EPB41: variants seen among roughly 807,000 people sequenced by gnomAD.
The protein encoded by EPB41 is erythrocyte membrane protein band 4.1, also known as protein 4.1.
A neutral mutation model predicts 108.0 loss-of-function variants in EPB41; 65 were observed. The observed-to-expected ratio is 0.60, with a 90% CI of 0.49 to 0.74. The LOEUF is 0.74. Ranked by LOEUF, EPB41 falls within the 30% of genes least tolerant of loss-of-function variation. The pLI is 0.00. For missense variants in EPB41, 875 were observed against 1,037.0 expected (o/e 0.84, Z 2.15); for synonymous variants, 336 against 358.9 (o/e 0.94, Z 0.72).
intron 10 of EPB41, among the ~76,000 whole-genome samples, chr1:29,037,094 T>C (rs937859151): frequency 6.6e-6 from 1 of 152,050 alleles, no homozygotes; most frequent in African/African-American, 2.4e-5. Context: ...AAGTATTTCC[T>C]CTGCTGTTTG....
intron 4 of EPB41, 131 bp downstream of exon 4, chr1:28,997,450 T>C: frequency 1.5e-6 from 1 of 677,762 alleles, no homozygotes; most frequent in Non-Finnish European, 2.7e-6. Flanking sequence ...TCTTATTTCT[T>C]AGATTTTCCT....
At chr1:28,973,013 G>C (rs2095528326) in intron 1 of EPB41, among the ~76,000 whole-genome samples, 1 of 152,180 alleles carries the variant, frequency 6.6e-6, no homozygotes, top group Non-Finnish European at 1.5e-5. Context: ...CCACATTGGT[G>C]ATTATCCTAT....
chr1:28,993,744 A>G (rs1308481984), intron 3 of EPB41, among the ~76,000 whole-genome samples: 1 of 146,924 alleles, frequency 6.8e-6, no homozygotes, highest in Admixed American at 7.0e-5. Flanking sequence ...GTAGCCCCCA[A>G]CTCCCATGTT....
At chr1:29,055,588 C>G (rs1645212441) in intron 12 of EPB41, among the ~76,000 whole-genome samples, 1 of 151,566 alleles carries the variant, frequency 6.6e-6, no homozygotes, top group Non-Finnish European at 1.5e-5. Context: ...CCTCTGATAA[C>G]TTATTATTGT....
intron 7 of EPB41, among the ~76,000 whole-genome samples, chr1:29,027,463 C>CT (rs1268736466): frequency 1.3e-5 from 2 of 151,760 alleles, no homozygotes; most frequent in African/African-American, 4.8e-5. Context: ...TCCCAAGTAG[C>CT]TGGGATTACA....
At position 29,097,648 on chromosome 1, in the gene EPB41, TG is replaced by T. The variant is rs1406529711; in HGVS notation, c.2185-157del. 3 of 780,068 alleles carry T rather than the reference TG, an allele frequency of 3.8e-6. No homozygotes were observed. The African/African-American group carries it at 5.1e-5, about 13-fold the overall frequency. The allele number at this position is 780,068 out of a possible 1,614,324, so 48.3% of individuals were successfully genotyped here. A position where few individuals can be genotyped will look rare whatever the true frequency, so the allele number is the denominator to read the frequency against. On this transcript the variant is annotated intron_variant, in intron 16 of 20. Transcript: ENST00000343067. ...ATTTGACACCTTGTCAGGGTTACTT[TG>T]GAATACTGTCGAAGTCTTAGGCAGG...
chr1:29,020,417 T>A (rs1219169501), intron 7 of EPB41, among the ~76,000 whole-genome samples: 1 of 152,110 alleles, frequency 6.6e-6, no homozygotes, highest in African/African-American at 2.4e-5. Context: ...TAAAAATATA[T>A]GCATATATAC....
chr1:29,029,533 A>T (rs2096762541), intron 7 of EPB41, among the ~76,000 whole-genome samples: 1 of 152,026 alleles, frequency 6.6e-6, no homozygotes, highest in Non-Finnish European at 1.5e-5. Context: ...TTCCTTGGGG[A>T]TGTGCCTGCA....
At chr1:29,046,913 G>T (rs545601154) in intron 11 of EPB41, among the ~76,000 whole-genome samples, 49 of 151,962 alleles carry the variant, frequency 3.2e-4, no homozygotes, top group African/African-American at 9.4e-4. Flanking sequence ...ATTGTTTTAG[G>T]ATTTCTACAA....
chr1:28,917,087 G>A (rs1482944140), intron 1 of EPB41, among the ~76,000 whole-genome samples: 1 of 151,800 alleles, frequency 6.6e-6, no homozygotes, highest in African/African-American at 2.4e-5. Context: ...CACCTCACCC[G>A]GCCTCTCCCA....
intron 16 of EPB41, chr1:29,097,466 A>C: frequency 2.8e-6 from 1 of 358,650 alleles, no homozygotes; most frequent in Non-Finnish European, 5.3e-6. Flanking sequence ...ACAAGGACAA[A>C]TCAAAGTGAT....
chr1:29,045,971 G>A (rs974663790), intron 11 of EPB41, among the ~76,000 whole-genome samples: 3 of 151,664 alleles, frequency 2.0e-5, no homozygotes, highest in Non-Finnish European at 2.9e-5. Flanking sequence ...GTGAGACCCT[G>A]TCTCTAAAAT....
At chr1:28,955,306 C>T (rs988700387) in intron 1 of EPB41, among the ~76,000 whole-genome samples, 4 of 151,534 alleles carry the variant, frequency 2.6e-5, no homozygotes, top group Non-Finnish European at 5.9e-5. Context: ...CAAGTAAGTT[C>T]TTGGTTTTTC....
chr1:29,038,205 C>T (rs372371080), intron 10 of EPB41, among the ~76,000 whole-genome samples: 3 of 152,196 alleles, frequency 2.0e-5, no homozygotes, highest in Admixed American at 1.3e-4. Flanking sequence ...GTACATTTTA[C>T]ACCCAATTAA....
chr1:29,001,409 C>G (rs148351872), intron 4 of EPB41, among the ~76,000 whole-genome samples: 2 of 152,068 alleles, frequency 1.3e-5, no homozygotes, highest in African/African-American at 4.8e-5. Flanking sequence ...TACAGCTGTC[C>G]CTGGTATCTC....
chr1:29,082,491 A>T (rs938394721), intron 16 of EPB41, among the ~76,000 whole-genome samples: 1 of 152,214 alleles, frequency 6.6e-6, no homozygotes, highest in Non-Finnish European at 1.5e-5. Context: ...CAATTTTTAG[A>T]ACTGAGACTT....
At chr1:28,963,371 G>GTGTC (rs1484582980) in intron 1 of EPB41, among the ~76,000 whole-genome samples, 1 of 151,516 alleles carries the variant, frequency 6.6e-6, no homozygotes, top group Non-Finnish European at 1.5e-5. Flanking sequence ...GTGTGTGTGT[G>GTGTC]TGTGTGTGTG....
chr1:29,040,824 A>T (rs1332475435), intron 11 of EPB41, among the ~76,000 whole-genome samples: 1 of 152,088 alleles, frequency 6.6e-6, no homozygotes, highest in Non-Finnish European at 1.5e-5. Flanking sequence ...TATGTCACTA[A>T]AAAAAGAGTG....
Position 28,946,102 on chromosome 1 carries a change from G to A in EPB41, c.-8+31334G>A, listed in dbSNP as rs563741789. ...GACAAAGATTTGGATATTTGATAAC[G>A]TATACAATTTTATTCTTTTACTAAA... On this transcript the variant is annotated intron_variant, in intron 1 of 20. Coordinates refer to ENST00000343067, the MANE Select transcript of EPB41 (RefSeq NM_001376013.1). 6.6e-5 allele frequency among the ~76,000 whole-genome samples: 10 copies of A among 151,864 alleles called. No individual in the cohort carries two copies. The South Asian group carries it at 1.2e-3, about 19-fold the overall frequency.
Sources: gnomAD v4.1 joint callset for allele counts (sites outside exome capture counted in the v4.1 genomes callset) on GRCh38, gnomAD v4.1.1 for gene constraint, MANE v1.5 for transcripts, NCBI Gene and HGNC (gene_info 2026-07-23, HGNC 2026-07-21) for gene names.